Variants in PLEKHG3 observed in about 807,000 individuals in gnomAD.
PLEKHG3 encodes pleckstrin homology domain-containing family G member 3.
A neutral mutation model predicts 94.9 loss-of-function variants in PLEKHG3; 62 were observed. The ratio of observed to expected loss-of-function variants is 0.65; its 90% CI spans 0.53 to 0.81. The LOEUF (loss-of-function observed/expected upper bound fraction) is 0.81. Among genes scored for constraint, PLEKHG3 ranks in the 30% least tolerant of loss-of-function variants. The pLI is 0.00. For missense variants in PLEKHG3, 1,461 were observed against 1,619.3 expected, an observed-to-expected ratio of 0.90 and a Z score of 1.68; for synonymous variants, 614 against 654.0, an observed-to-expected ratio of 0.94 and a Z score of 0.93.
chr14:64,740,997 GGCTTTTTACTCATGTGA>G (rs776973582), intron 15 of PLEKHG3, 22 bp from the exon 16 acceptor site: 2 of 1,493,256 alleles, frequency 1.3e-6, no homozygotes, highest in Admixed American at 4.2e-5. Context: ...CCATGAAGGA[GGCTTTTTACTCATGTGA>G]GCCTTTTCTG....
chr14:64,749,813 C>T lies in PLEKHG3; in HGVS notation c.*6110C>T. The T allele has an allele frequency of 6.7e-7, 1 of 1,496,406 alleles. No homozygotes were observed. Among genetic ancestry groups the T allele is most frequent in the Non-Finnish European group, 9.2e-7 (1 of 1,088,370 alleles). 92.7% of individuals were successfully genotyped at this position (1,496,406 alleles called of 1,614,324 possible). A position where few individuals can be genotyped will look rare whatever the true frequency, so the allele number is the denominator to read the frequency against. The stretch of plus-strand genomic sequence containing the variant: ...AACATCCAGACCCCTCTCAGGCAGC[C>T]CAGCACTTTCTGAGAGGTCAAAGTC... On this transcript the variant is annotated 3_prime_UTR_variant, in exon 17 of 17. Coordinates refer to ENST00000247226, the MANE Select transcript of PLEKHG3 (RefSeq NM_001308147.2). The surrounding 1 kb of genome is among the most constrained non-coding windows in gnomAD (Gnocchi z 4.7).
At position 64,738,514 on chromosome 14, in the gene PLEKHG3, T is replaced by C. The variant is rs1245160166; in HGVS notation, c.1405-228T>C. The stretch of plus-strand genomic sequence containing the variant: ...GGGGCTGGAAAGGTCAAGTCCACTT[T>C]GGAGGGACAGAAAGGTGGGCTGAGG... On this transcript the variant is annotated intron_variant, in intron 14 of 16. Coordinates refer to ENST00000247226, the MANE Select transcript of PLEKHG3 (RefSeq NM_001308147.2). The surrounding 1 kb of genome is among the most constrained non-coding windows in gnomAD (Gnocchi z 4.8). Among the ~76,000 whole-genome samples, 1 of 152,124 alleles carries C rather than the reference T, an allele frequency of 6.6e-6. No homozygotes were observed. The highest frequency in any genetic ancestry group is 1.5e-5 in the Non-Finnish European group (1 of 68,000).
At chr14:64,713,740 T>C (rs1312518390) in intron 1 of PLEKHG3, among the ~76,000 whole-genome samples, 1 of 152,170 alleles carries the variant, frequency 6.6e-6, no homozygotes, top group Non-Finnish European at 1.5e-5. Context: ...ATTATCTCTT[T>C]GAAATTTGCA....
chr14:64,743,045 C>A lies in PLEKHG3; in HGVS notation c.3002C>A (p.Pro1001His), dbSNP rs545391476. The A allele has an allele frequency of 8.7e-6, 14 of 1,613,396 alleles. No individual in the cohort carries two copies. In the Admixed American group the frequency reaches 1.7e-4, roughly 19 times the overall value. The change falls in exon 17 of 17, where the codon CCT becomes CAT. Residue 1001 changes from proline (P) to histidine (H), a missense_variant. Pro to His is a moderately conservative substitution (Grantham distance 77). Coordinates refer to ENST00000247226, the MANE Select transcript of PLEKHG3 (RefSeq NM_001308147.2). The surrounding 1 kb of genome is among the most constrained non-coding windows in gnomAD (Gnocchi z 7.2). ...YEQLMAQEHSPPKPSSAGEMS... is the reference protein window; with the variant it reads ...YEQLMAQEHSHPKPSSAGEMS... ...CAGCTGATGGCCCAGGAGCACAGCC[C>A]TCCCAAGCCCTCCTCGGCTGGGGAG... is the stretch of plus-strand genomic sequence containing the variant.
In PLEKHG3 at chr14:64,715,268, T is replaced by C. The variant is rs2081121565; in HGVS notation, c.-40+10564T>C. Among the ~76,000 whole-genome samples the C allele has an allele frequency of 6.6e-6, 1 of 152,142 alleles. No individual in the cohort carries two copies. Among genetic ancestry groups the C allele is most frequent in the South Asian group, 2.1e-4 (1 of 4,830 alleles). On this transcript the variant is annotated intron_variant, in intron 1 of 16. Coordinates refer to ENST00000247226, the MANE Select transcript of PLEKHG3 (RefSeq NM_001308147.2). This position sits in a 1 kb window ranked among gnomAD's most constrained non-coding sequence, Gnocchi z 4.4. ...CATTCCTATGAGGTAGGGTGAGAGA[T>C]GGCCTTCTTGGCTTCGTCTCTCGGG...
Position 64,749,263 on chromosome 14 carries a change from TCTCTGCGCGTCCCGA to T in PLEKHG3, c.*5564_*5578del, listed in dbSNP as rs1480633830. On this transcript the variant is annotated 3_prime_UTR_variant, in exon 17 of 17. Transcript: ENST00000247226. The surrounding 1 kb of genome is among the most constrained non-coding windows in gnomAD (Gnocchi z 4.7). ...GGAGGCCAAGGCCTGGGCTGCCCGGTCTCTGCGCGTCCCGACTCCGCCGCGCCCGCCAGCCCCACC... is the reference window on the plus strand; with the variant it reads ...GGAGGCCAAGGCCTGGGCTGCCCGGTCTCCGCCGCGCCCGCCAGCCCCACC... 1.3e-6 allele frequency: 2 copies of T among 1,540,696 alleles called. No homozygotes were observed. Among genetic ancestry groups the T allele is most frequent in the Admixed American group, 3.9e-5 (2 of 51,614 alleles).
In PLEKHG3 at chr14:64,717,928, T is replaced by C. The variant is rs973991666; in HGVS notation, c.-39-9665T>C. ...TTCTTCCAGACCTGGCTTGGATCTG[T>C]CCTTTCCCACAAAGCCACGTGGATT... On this transcript the variant is annotated intron_variant, in intron 1 of 16. Transcript: ENST00000247226. This position sits in a 1 kb window ranked among gnomAD's most constrained non-coding sequence, Gnocchi z 4.7. Among the ~76,000 whole-genome samples, 1 of 152,232 alleles carries C rather than the reference T, an allele frequency of 6.6e-6. No homozygotes were observed. The highest frequency in any genetic ancestry group is 1.5e-5 in the Non-Finnish European group (1 of 68,042).
rs1394084621 is a variant in PLEKHG3, at chr14:64,720,173, A to C, written c.-39-7420A>C. ...ACATTTGCAGGGAGACCAGATCATC[A>C]CAGCCCCTTTTCTAAACTTGGCTAC... On this transcript the variant is annotated intron_variant, in intron 1 of 16. Coordinates refer to ENST00000247226, the MANE Select transcript of PLEKHG3 (RefSeq NM_001308147.2). The surrounding 1 kb of genome is among the most constrained non-coding windows in gnomAD (Gnocchi z 4.1). 6.6e-6 allele frequency among the ~76,000 whole-genome samples: 1 copy of C among 152,244 alleles called. No individual in the cohort carries two copies. The highest frequency in any genetic ancestry group is 6.5e-5 in the Admixed American group (1 of 15,286).
rs368393674 is a variant in PLEKHG3 at position 64,731,033 on chromosome 14, C to G, written c.718-5C>G. The G allele has an allele frequency of 1.2e-6, 2 of 1,614,018 alleles. No individual in the cohort carries two copies. The highest frequency in any genetic ancestry group is 2.2e-5 in the East Asian group (1 of 44,878). Reference sequence around the variant, plus strand: ...GGGGCACCTAAGCGTCTATCTTCTGCGCAGGAAATTGCCAAGCATTTTGAT... The same window carrying G: ...GGGGCACCTAAGCGTCTATCTTCTGGGCAGGAAATTGCCAAGCATTTTGAT... On this transcript the variant is annotated splice_region_variant and splice_polypyrimidine_tract_variant and intron_variant, in intron 6 of 16. Transcript: ENST00000247226. This position sits in a 1 kb window ranked among gnomAD's most constrained non-coding sequence, Gnocchi z 6.1.
chr14:64,743,445 A>G lies in PLEKHG3; in HGVS notation c.3402A>G (p.Ala1134=), dbSNP rs114818188. 2 of 1,613,122 alleles carry G rather than the reference A, an allele frequency of 1.2e-6. No individual in the cohort carries two copies. Among genetic ancestry groups the G allele is most frequent in the African/African-American group, 2.7e-5 (2 of 75,040 alleles). Residue 1134 remains alanine (A), a synonymous_variant, in exon 17 of 17, where the codon GCA becomes GCG. Coordinates refer to ENST00000247226, the MANE Select transcript of PLEKHG3 (RefSeq NM_001308147.2). The surrounding 1 kb of genome is among the most constrained non-coding windows in gnomAD (Gnocchi z 7.2). The stretch of plus-strand genomic sequence containing the variant: ...GAGGCGAGACCCTGTATGTCACTGC[A>G]GACCTCACCCTGGAGGACAACCGGC... ...PDGGETLYVT[A]DLTLEDNRRV...
intron 1 of PLEKHG3, among the ~76,000 whole-genome samples, chr14:64,710,382 G>A (rs574744793): frequency 6.6e-6 from 1 of 152,248 alleles, no homozygotes; most frequent in East Asian, 1.9e-4. Flanking sequence ...AATGAAAGAG[G>A]ATAAAGGCCG....
Position 64,717,722 on chromosome 14 carries a change from C to T in PLEKHG3, c.-39-9871C>T, listed in dbSNP as rs998924685. On this transcript the variant is annotated intron_variant, in intron 1 of 16. Transcript: ENST00000247226. The surrounding 1 kb of genome is among the most constrained non-coding windows in gnomAD (Gnocchi z 4.7). ...TCTAGCTAATGTTCCCTCGATCTCTCGCTCCTCCTCGAAGCTGTCTCTGAA... is the reference window on the plus strand; with the variant it reads ...TCTAGCTAATGTTCCCTCGATCTCTTGCTCCTCCTCGAAGCTGTCTCTGAA... Among the ~76,000 whole-genome samples, 1 of 152,202 alleles carries T rather than the reference C, an allele frequency of 6.6e-6. No individual in the cohort carries two copies. Among genetic ancestry groups the T allele is most frequent in the Non-Finnish European group, 1.5e-5 (1 of 68,036 alleles).
chr14:64,706,393 A>G (rs1455634264), intron 1 of PLEKHG3, among the ~76,000 whole-genome samples: 1 of 152,216 alleles, frequency 6.6e-6, no homozygotes, highest in Non-Finnish European at 1.5e-5. Flanking sequence ...TGTTTTCTCC[A>G]ACATGATCTG....
rs1309156882 is a variant in PLEKHG3 at position 64,721,157 on chromosome 14, C to G, written c.-39-6436C>G. ...GGGTGGGGGCATTATTCAGCTTACA[C>G]TAGTGTGTATGTTGGGAAATGGTTG... is the stretch of plus-strand genomic sequence containing the variant. On this transcript the variant is annotated intron_variant, in intron 1 of 16. Transcript: ENST00000247226. This position sits in a 1 kb window ranked among gnomAD's most constrained non-coding sequence, Gnocchi z 4.3. Among the ~76,000 whole-genome samples the G allele has an allele frequency of 1.3e-5, 2 of 152,202 alleles. No homozygotes were observed.
rs1186487738 is a variant in PLEKHG3 at position 64,720,236 on chromosome 14, A to T, written c.-39-7357A>T. Among the ~76,000 whole-genome samples, 1 of 152,268 alleles carries T rather than the reference A, an allele frequency of 6.6e-6. No individual in the cohort carries two copies. On this transcript the variant is annotated intron_variant, in intron 1 of 16. Coordinates refer to ENST00000247226, the MANE Select transcript of PLEKHG3 (RefSeq NM_001308147.2). This position sits in a 1 kb window ranked among gnomAD's most constrained non-coding sequence, Gnocchi z 4.1. ...CCCAGTCTCTTGTGGCTGGTCACCT[A>T]GTATGTAGCCCAGCGGGGCAGCTAT...
Position 64,731,955 on chromosome 14 carries a change from C to A in PLEKHG3, c.1126-140C>A. ...GATCATTGCAGGCACCTCTCAGGGT[C>A]AAAGTGAGGAGTCAGGTTAACCTCA... On this transcript the variant is annotated intron_variant, in intron 9 of 16. Transcript: ENST00000247226. This position sits in a 1 kb window ranked among gnomAD's most constrained non-coding sequence, Gnocchi z 6.1. 1 of 838,952 alleles carries A rather than the reference C, an allele frequency of 1.2e-6. No individual in the cohort carries two copies. The highest frequency in any genetic ancestry group is 2.0e-6 in the Non-Finnish European group (1 of 500,978). 52.0% of individuals were successfully genotyped at this position (838,952 alleles called of 1,614,324 possible).
intron 1 of PLEKHG3, among the ~76,000 whole-genome samples, chr14:64,724,223 G>C (rs1436344521): frequency 2.6e-5 from 4 of 152,058 alleles, no homozygotes; most frequent in African/African-American, 9.7e-5. Context: ...ATGCACTCCA[G>C]CTGAGTGCAG....
Position 64,749,646 on chromosome 14 carries a change from G to C in PLEKHG3, c.*5943G>C. 2.5e-6 allele frequency: 4 copies of C among 1,613,596 alleles called. No homozygotes were observed. The highest frequency in any genetic ancestry group is 3.4e-6 in the Non-Finnish European group (4 of 1,179,928). On this transcript the variant is annotated 3_prime_UTR_variant, in exon 17 of 17. Transcript: ENST00000247226. This position sits in a 1 kb window ranked among gnomAD's most constrained non-coding sequence, Gnocchi z 4.7. ...TAGCCAGGTCTGGGCTAGGCTGCCC[G>C]CGCTTACCTCATCCTTGCCATGGAA... is the stretch of plus-strand genomic sequence containing the variant.
rs192516812 is a variant in PLEKHG3 at position 64,738,197 on chromosome 14, C to T, written c.1405-545C>T. 1.0e-5 allele frequency: 13 copies of T among 1,289,632 alleles called. No individual in the cohort carries two copies. The highest frequency in any genetic ancestry group is 4.5e-5 in the African/African-American group (3 of 66,008). The allele number at this position is 1,289,632 out of a possible 1,614,324, so 79.9% of individuals were successfully genotyped here. A position where few individuals can be genotyped will look rare whatever the true frequency, so the allele number is the denominator to read the frequency against. On this transcript the variant is annotated intron_variant, in intron 14 of 16. Transcript: ENST00000247226. This position sits in a 1 kb window ranked among gnomAD's most constrained non-coding sequence, Gnocchi z 4.8. Reference sequence around the variant, plus strand: ...TCCACTGCTGGCACTATCGGGCCAACGCTTTACTTTTCTCCCGGGGCGCTA... The same window carrying T: ...TCCACTGCTGGCACTATCGGGCCAATGCTTTACTTTTCTCCCGGGGCGCTA...
Sources: gnomAD v4.1 joint callset for allele counts (sites outside exome capture counted in the v4.1 genomes callset) on GRCh38, gnomAD v4.1.1 for gene constraint, Gnocchi (gnomAD v3.1) non-coding constraint, MANE v1.5 for transcripts, NCBI Gene and HGNC (gene_info 2026-07-23, HGNC 2026-07-21) for gene names.